The following ENHO variants were observed in gnomAD, a reference collection of about 807,000 sequenced individuals.
ENHO encodes energy homeostasis associated.
In ENHO, 5 loss-of-function variants were observed where a neutral mutation model predicts 4.1. The observed-to-expected ratio is 1.23, with a 90% CI of 0.64 to 2.58. The LOEUF (loss-of-function observed/expected upper bound fraction) is 2.58, where lower values mean the gene tolerates loss of function less well. Among genes scored for constraint, ENHO ranks in the 30% most tolerant of loss-of-function variants. The pLI is 0.01. For missense variants in ENHO, 86 were observed against 97.7 expected, an observed-to-expected ratio of 0.88 and a Z score of 0.51; for synonymous variants, 45 against 42.9, an observed-to-expected ratio of 1.05 and a Z score of -0.19.
Position 34,521,609 on chromosome 9 carries a change from G to T in ENHO, c.87C>A (p.Ile29=). Residue 29 remains isoleucine (I), a synonymous_variant, in exon 2 of 2, where the codon ATC becomes ATA. Transcript: ENST00000399775. ...AGCGAGAATGGCAGGCCCAGCAGAG[G>T]ATGACCCAGAGCAGCAGCAGCAAGA... The part of the protein sequence containing the change: ...VGFLLLLLWV[I]LCWACHSRSA... 1 of 1,614,008 alleles carries T rather than the reference G, an allele frequency of 6.2e-7. No homozygotes were observed. The highest frequency in any genetic ancestry group is 1.1e-5 in the South Asian group (1 of 91,086).
chr9:34,521,177 T>G lies in ENHO; in HGVS notation c.*288A>C. ...CTAGAGGGCCTAGAGGTGCTCAGCC[T>G]AGGGAAAGAGTGGACCCGGCCCCTG... On this transcript the variant is annotated 3_prime_UTR_variant, in exon 2 of 2. Coordinates refer to ENST00000399775, the MANE Select transcript of ENHO (RefSeq NM_198573.3). 1 of 555,946 alleles carries G rather than the reference T, an allele frequency of 1.8e-6. No homozygotes were observed. The highest frequency in any genetic ancestry group is 3.2e-6 in the Non-Finnish European group (1 of 308,476). 34.4% of individuals were successfully genotyped at this position (555,946 alleles called of 1,614,324 possible). A position where few individuals can be genotyped will look rare whatever the true frequency, so the allele number is the denominator to read the frequency against.
At position 34,521,242 on chromosome 9, in the gene ENHO, T is replaced by C. The variant is rs975538635; in HGVS notation, c.*223A>G. ...GGATGGAGCATAGTCCAGATGGCCC[T>C]GGCTCTAGCACCAACTCATAAGCCC... is the stretch of plus-strand genomic sequence containing the variant. On this transcript the variant is annotated 3_prime_UTR_variant, in exon 2 of 2. Coordinates refer to ENST00000399775, the MANE Select transcript of ENHO (RefSeq NM_198573.3). The C allele has an allele frequency of 5.9e-6, 4 of 673,112 alleles. No homozygotes were observed. The highest frequency in any genetic ancestry group is 1.1e-5 in the Non-Finnish European group (4 of 371,850). The allele number at this position is 673,112 out of a possible 1,614,324, so 41.7% of individuals were successfully genotyped here. A position where few individuals can be genotyped will look rare whatever the true frequency, so the allele number is the denominator to read the frequency against.
At position 34,521,684 on chromosome 9, in the gene ENHO, G is replaced by C; in HGVS notation, c.12C>G (p.Ala4=). The C allele has an allele frequency of 6.2e-7, 1 of 1,613,630 alleles. No homozygotes were observed. Among genetic ancestry groups the C allele is most frequent in the Non-Finnish European group, 8.5e-7 (1 of 1,179,758 alleles). ...TGGCGATGAGGGCCCCCTGGGAGATGGCTGCCCCCATGACAGGCAGCACCC... is the reference window on the plus strand; with the variant it reads ...TGGCGATGAGGGCCCCCTGGGAGATCGCTGCCCCCATGACAGGCAGCACCC... MGA[A]ISQGALIAIV... Residue 4 remains alanine, a synonymous_variant, in exon 2 of 2, where the codon GCC becomes GCG. Coordinates refer to ENST00000399775, the MANE Select transcript of ENHO (RefSeq NM_198573.3).
Position 34,521,608 on chromosome 9 carries a change from G to A in ENHO, c.88C>T (p.Leu30Phe). 6.2e-7 allele frequency: 1 copy of A among 1,614,010 alleles called. No homozygotes were observed. The highest frequency in any genetic ancestry group is 8.5e-7 in the Non-Finnish European group (1 of 1,180,034). Residue 30 changes from leucine (L) to phenylalanine (F), a missense_variant, in exon 2 of 2, where the codon CTC becomes TTC. By Grantham distance (22) the Leu-to-Phe change is conservative (BLOSUM62 0). Transcript: ENST00000399775. ...GFLLLLLWVI[L>F]CWACHSRSAD... is the part of the protein sequence containing the mutation. Reference sequence around the variant, plus strand: ...GAGCGAGAATGGCAGGCCCAGCAGAGGATGACCCAGAGCAGCAGCAGCAAG... The same window carrying A: ...GAGCGAGAATGGCAGGCCCAGCAGAAGATGACCCAGAGCAGCAGCAGCAAG...
chr9:34,521,725 C>G lies in ENHO; in HGVS notation c.-30G>C, dbSNP rs746339265. 3 of 1,584,894 alleles carry G rather than the reference C, an allele frequency of 1.9e-6. No homozygotes were observed. Among genetic ancestry groups the G allele is most frequent in the Admixed American group, 1.7e-5 (1 of 57,486 alleles). On this transcript the variant is annotated 5_prime_UTR_variant, in exon 2 of 2. Transcript: ENST00000399775. ...GGCAGCACCCTCAGACCAGCACAGA[C>G]AGTGGAGCTGCCTCAATGGTGAGGC...
In ENHO at chr9:34,521,150, G is replaced by A. The variant is rs1111375; in HGVS notation, c.*315C>T. 524,373 of 525,620 alleles carry A rather than the reference G, an allele frequency of 1. 261,578 individuals carry two copies. The highest frequency in any genetic ancestry group is 1 in the East Asian group (28,920 of 28,920). 32.6% of individuals were successfully genotyped at this position (525,620 alleles called of 1,614,324 possible). A position where few individuals can be genotyped will look rare whatever the true frequency, so the allele number is the denominator to read the frequency against. Reference sequence around the variant, plus strand: ...CCATGGGTTCCAGTTTGCTTCCCCAGCCTAGAGGGCCTAGAGGTGCTCAGC... The same window carrying A: ...CCATGGGTTCCAGTTTGCTTCCCCAACCTAGAGGGCCTAGAGGTGCTCAGC... On this transcript the variant is annotated 3_prime_UTR_variant, in exon 2 of 2. Coordinates refer to ENST00000399775, the MANE Select transcript of ENHO (RefSeq NM_198573.3).
Position 34,521,474 on chromosome 9 carries a change from C to T in ENHO, c.222G>A (p.Leu74=). ...QKPSHEGSYL[L]QP ...GCTAGGCCAGGGGCCTTCAGGGCTG[C>T]AGCAGGTAGCTGCCTTCATGGCTGG... The change falls in exon 2 of 2, where the codon CTG becomes CTA. Residue 74 remains leucine (L), a synonymous_variant. Transcript: ENST00000399775. 1.2e-6 allele frequency: 2 copies of T among 1,612,304 alleles called. No individual in the cohort carries two copies. Among genetic ancestry groups the T allele is most frequent in the Non-Finnish European group, 1.7e-6 (2 of 1,179,406 alleles).
chr9:34,521,604 C>A lies in ENHO; in HGVS notation c.92G>T (p.Cys31Phe). Residue 31 changes from cysteine to phenylalanine, a missense_variant, in exon 2 of 2, where the codon TGC becomes TTC. Cys to Phe is a radical substitution (Grantham distance 205, BLOSUM62 -2). Transcript: ENST00000399775. ...GGCAGAGCGAGAATGGCAGGCCCAG[C>A]AGAGGATGACCCAGAGCAGCAGCAG... is the stretch of plus-strand genomic sequence containing the variant. Reference protein sequence around the residue: ...FLLLLLWVILCWACHSRSADV... With the variant: ...FLLLLLWVILFWACHSRSADV... The A allele has an allele frequency of 1.2e-6, 2 of 1,613,970 alleles. No individual in the cohort carries two copies. The highest frequency in any genetic ancestry group is 1.7e-6 in the Non-Finnish European group (2 of 1,180,022).
intron 1 of ENHO, 97 bp from the exon 2 acceptor site, chr9:34,521,953 T>C: frequency 1.9e-6 from 1 of 521,420 alleles, no homozygotes; most frequent in Admixed American, 3.4e-5. Context: ...CCCTCCCACA[T>C]TTCTGGCCTC....
rs890969536 is a variant in ENHO, at chr9:34,522,390, G to C, written c.-162+387C>G. On this transcript the variant is annotated intron_variant, in intron 1 of 1. Transcript: ENST00000399775. This position sits in a 1 kb window ranked among gnomAD's most constrained non-coding sequence, Gnocchi z 4.2. ...TGCCTCTATGTGGGGCTGCCTCTCT[G>C]GGTCAGGTGTGTGTGTGTGTCTGGT... The C allele has an allele frequency of 6.5e-6, 1 of 153,118 alleles. No homozygotes were observed. The highest frequency in any genetic ancestry group is 2.4e-5 in the African/African-American group (1 of 41,400). 9.5% of individuals were successfully genotyped at this position (153,118 alleles called of 1,614,324 possible).
Position 34,521,846 on chromosome 9 carries a change from C to T in ENHO, c.-151G>A. 1.5e-6 allele frequency: 1 copy of T among 671,090 alleles called. No individual in the cohort carries two copies. Among genetic ancestry groups the T allele is most frequent in the South Asian group, 1.9e-5 (1 of 53,640 alleles). The allele number at this position is 671,090 out of a possible 1,614,324, so 41.6% of individuals were successfully genotyped here. On this transcript the variant is annotated 5_prime_UTR_variant, in exon 2 of 2. Transcript: ENST00000399775. ...CCTGGGCAGTGGAGATGTCTACCTG[C>T]AGTCCTGAGCCTGTTGGGGGTATAC...
In ENHO at chr9:34,521,253, C is replaced by T; in HGVS notation, c.*212G>A. ...AGTCCAGATGGCCCTGGCTCTAGCA[C>T]CAACTCATAAGCCCCCACCCCAGGC... On this transcript the variant is annotated 3_prime_UTR_variant, in exon 2 of 2. Transcript: ENST00000399775. 1.5e-6 allele frequency: 1 copy of T among 686,878 alleles called. No individual in the cohort carries two copies. The highest frequency in any genetic ancestry group is 2.6e-6 in the Non-Finnish European group (1 of 379,448). The allele number at this position is 686,878 out of a possible 1,614,324, so 42.5% of individuals were successfully genotyped here.
In ENHO at chr9:34,522,239, G is replaced by T. The variant is rs920528393; in HGVS notation, c.-161-383C>A. On this transcript the variant is annotated intron_variant, in intron 1 of 1. Coordinates refer to ENST00000399775, the MANE Select transcript of ENHO (RefSeq NM_198573.3). The surrounding 1 kb of genome is among the most constrained non-coding windows in gnomAD (Gnocchi z 4.2). ...TGTAAGCAGCTCTGGTGTGGCCTGGGCGCCTCCTCTCTCCCAGGACTCCAG... is the reference window on the plus strand; with the variant it reads ...TGTAAGCAGCTCTGGTGTGGCCTGGTCGCCTCCTCTCTCCCAGGACTCCAG... 1 of 152,844 alleles carries T rather than the reference G, an allele frequency of 6.5e-6. No individual in the cohort carries two copies. Among genetic ancestry groups the T allele is most frequent in the African/African-American group, 2.4e-5 (1 of 41,452 alleles). The allele number at this position is 152,844 out of a possible 1,614,324, so 9.5% of individuals were successfully genotyped here.
chr9:34,522,982 G>A lies in ENHO; in HGVS notation c.-367C>T, dbSNP rs1825302816. 1 of 151,138 alleles carries A rather than the reference G, an allele frequency of 6.6e-6. No individual in the cohort carries two copies. The highest frequency in any genetic ancestry group is 6.6e-5 in the Admixed American group (1 of 15,172). 9.4% of individuals were successfully genotyped at this position (151,138 alleles called of 1,614,324 possible). Reference sequence around the variant, plus strand: ...GCGCGACCGGGGCGGCCTCTGCCGCGGGCGGTCTGCGGTGAGCGGGCACCT... The same window carrying A: ...GCGCGACCGGGGCGGCCTCTGCCGCAGGCGGTCTGCGGTGAGCGGGCACCT... On this transcript the variant is annotated 5_prime_UTR_variant, in exon 1 of 2. Transcript: ENST00000399775. This position sits in a 1 kb window ranked among gnomAD's most constrained non-coding sequence, Gnocchi z 4.2.
rs1454249467 is a variant in ENHO, at chr9:34,521,362, C to T, written c.*103G>A. ...CTGGGTCCAGCTCCAAGCAGGCGGA[C>T]TCTTGAGTTCTGGACCCCAGGCTGG... is the stretch of plus-strand genomic sequence containing the variant. On this transcript the variant is annotated 3_prime_UTR_variant, in exon 2 of 2. Coordinates refer to ENST00000399775, the MANE Select transcript of ENHO (RefSeq NM_198573.3). 1.8e-6 allele frequency: 2 copies of T among 1,116,632 alleles called. No individual in the cohort carries two copies. Among genetic ancestry groups the T allele is most frequent in the African/African-American group, 3.0e-5 (2 of 65,582 alleles). 69.2% of individuals were successfully genotyped at this position (1,116,632 alleles called of 1,614,324 possible).
At position 34,522,965 on chromosome 9, in the gene ENHO, G is replaced by A. The variant is rs1246229822; in HGVS notation, c.-350C>T. 6.6e-6 allele frequency: 1 copy of A among 150,948 alleles called. No homozygotes were observed. Among genetic ancestry groups the A allele is most frequent in the African/African-American group, 2.4e-5 (1 of 41,278 alleles). 9.4% of individuals were successfully genotyped at this position (150,948 alleles called of 1,614,324 possible). The stretch of plus-strand genomic sequence containing the variant: ...CGGCCGCTCCCGCCGCGGCGCGACC[G>A]GGGCGGCCTCTGCCGCGGGCGGTCT... On this transcript the variant is annotated 5_prime_UTR_variant, in exon 1 of 2. Transcript: ENST00000399775. This position sits in a 1 kb window ranked among gnomAD's most constrained non-coding sequence, Gnocchi z 4.2.
Position 34,521,300 on chromosome 9 carries a change from G to A in ENHO, c.*165C>T. On this transcript the variant is annotated 3_prime_UTR_variant, in exon 2 of 2. Coordinates refer to ENST00000399775, the MANE Select transcript of ENHO (RefSeq NM_198573.3). ...AGGCCCATCTCCTTAGGGCCACTGA[G>A]CTCCTATTGGAGCCAAGCTGGCTAG... 2.7e-6 allele frequency: 2 copies of A among 735,064 alleles called. No homozygotes were observed. Among genetic ancestry groups the A allele is most frequent in the Non-Finnish European group, 4.8e-6 (2 of 415,690 alleles). The allele number at this position is 735,064 out of a possible 1,614,324, so 45.5% of individuals were successfully genotyped here.
In ENHO at chr9:34,521,187, G is replaced by A. The variant is rs1024887479; in HGVS notation, c.*278C>T. On this transcript the variant is annotated 3_prime_UTR_variant, in exon 2 of 2. Transcript: ENST00000399775. ...TAGAGGTGCTCAGCCTAGGGAAAGA[G>A]TGGACCCGGCCCCTGACCCTTGGCC... 5.3e-6 allele frequency: 3 copies of A among 568,910 alleles called. No individual in the cohort carries two copies. Among genetic ancestry groups the A allele is most frequent in the East Asian group, 6.2e-5 (2 of 32,226 alleles). 35.2% of individuals were successfully genotyped at this position (568,910 alleles called of 1,614,324 possible). A position where few individuals can be genotyped will look rare whatever the true frequency, so the allele number is the denominator to read the frequency against.
Position 34,521,437 on chromosome 9 carries a change from C to T in ENHO, c.*28G>A, listed in dbSNP as rs1402268309. The T allele has an allele frequency of 2.5e-6, 4 of 1,591,186 alleles. No individual in the cohort carries two copies. The highest frequency in any genetic ancestry group is 3.4e-6 in the Non-Finnish European group (4 of 1,163,780). ...GGCTCTAGGTGAGGTGGACTTAGGT[C>T]CTGGGCTCCAGGCTAGGCCAGGGGC... On this transcript the variant is annotated 3_prime_UTR_variant, in exon 2 of 2. Transcript: ENST00000399775.
Sources: gnomAD v4.1 joint callset for allele counts on GRCh38, gnomAD v4.1.1 for gene constraint, Gnocchi (gnomAD v3.1) non-coding constraint, MANE v1.5 for transcripts, NCBI Gene and HGNC (gene_info 2026-07-23, HGNC 2026-07-21) for gene names.